Variants in FRMD4B observed in about 807,000 individuals in gnomAD.
FRMD4B encodes the protein FERM domain containing 4B.
In FRMD4B, 74 loss-of-function variants were observed where a neutral mutation model predicts 141.5. The ratio of observed to expected loss-of-function variants is 0.52; its 90% CI spans 0.43 to 0.63. FRMD4B has a LOEUF of 0.63. Among genes scored for constraint, FRMD4B ranks in the 30% least tolerant of loss-of-function variants. The probability of loss-of-function intolerance (pLI) is 0.00; values close to 1 mark genes in which losing one functional copy is unlikely to be tolerated. For synonymous variants in FRMD4B, 506 were observed against 467.9 expected (o/e 1.08, Z -1.05); for missense variants, 1,366 against 1,253.4 (o/e 1.09, Z -1.36).
chr3:69,312,280 G>C (rs1028422602), intron 2 of FRMD4B, among the ~76,000 whole-genome samples: 1 of 152,110 alleles, frequency 6.6e-6, no homozygotes, highest in African/African-American at 2.4e-5. Context: ...TGAACTTTGA[G>C]CAAAACAGCT....
At chr3:69,484,351 C>G (rs901228667) in intron 1 of FRMD4B, among the ~76,000 whole-genome samples, 1 of 152,086 alleles carries the variant, frequency 6.6e-6, no homozygotes, top group Non-Finnish European at 1.5e-5. Context: ...CTACCAGGTG[C>G]TATTATATAT....
At chr3:69,399,992 A>G (rs1183885843) in intron 2 of FRMD4B, among the ~76,000 whole-genome samples, 8 of 152,180 alleles carry the variant, frequency 5.3e-5, no homozygotes, top group South Asian at 2.1e-4. Flanking sequence ...ACCCAATACG[A>G]TACCTGGCTC....
At chr3:69,537,392 C>T (rs1701104322) in intron 1 of FRMD4B, among the ~76,000 whole-genome samples, 2 of 152,252 alleles carry the variant, frequency 1.3e-5, no homozygotes, top group Non-Finnish European at 2.9e-5. Flanking sequence ...GAATAGAGCA[C>T]TCATTTGCCC....
chr3:69,513,956 A>G (rs536014683), intron 1 of FRMD4B, among the ~76,000 whole-genome samples: 125 of 152,174 alleles, frequency 8.2e-4, no homozygotes, highest in Non-Finnish European at 9.6e-4. Context: ...ATAATACTCA[A>G]TGGTGAAAGA....
At chr3:69,247,000 C>T (rs1328886021) in intron 7 of FRMD4B, among the ~76,000 whole-genome samples, 1 of 152,178 alleles carries the variant, frequency 6.6e-6, no homozygotes, top group East Asian at 1.9e-4. Flanking sequence ...CTATTCTCCA[C>T]CTCCCCCATA....
At chr3:69,451,811 G>T (rs1486892157) in intron 1 of FRMD4B, among the ~76,000 whole-genome samples, 1 of 152,114 alleles carries the variant, frequency 6.6e-6, no homozygotes, top group Admixed American at 6.5e-5. Flanking sequence ...CTGTACTAAG[G>T]CCCTGGCAAC....
chr3:69,352,947 A>C (rs1196505414), intron 1 of FRMD4B, among the ~76,000 whole-genome samples: 1 of 152,194 alleles, frequency 6.6e-6, no homozygotes, highest in East Asian at 1.9e-4. Flanking sequence ...GTGTTCACAA[A>C]AACAGGGAAG....
chr3:69,471,109 T>A (rs1705881880), intron 1 of FRMD4B, among the ~76,000 whole-genome samples: 2 of 152,174 alleles, frequency 1.3e-5, no homozygotes, highest in African/African-American at 4.8e-5. Context: ...TAAGGCTACT[T>A]TTTTTCTAAT....
rs556461291 is a variant in FRMD4B at position 69,252,030 on chromosome 3, C to T, written c.502-1931G>A. 1.3e-3 allele frequency among the ~76,000 whole-genome samples: 193 copies of T among 152,214 alleles called. 2 individuals are homozygous for T. The highest frequency in any genetic ancestry group is 2.1e-3 in the Non-Finnish European group (140 of 67,996). ...AAAATTACTTAAGATGTTAAAAACG[C>T]TAAAGATGAATAAAGTAAATTGAAA... On this transcript the variant is annotated intron_variant, in intron 5 of 22. Transcript: ENST00000398540.
intron 1 of FRMD4B, among the ~76,000 whole-genome samples, chr3:69,345,611 C>G (rs1009713348): frequency 4.6e-5 from 7 of 152,190 alleles, no homozygotes; most frequent in African/African-American, 1.7e-4. Context: ...ACACCTCACA[C>G]AGCCGGGTAG....
intron 1 of FRMD4B, among the ~76,000 whole-genome samples, chr3:69,540,660 T>TACACACAC (rs1161119924): frequency 5.6e-4 from 32 of 56,860 alleles, no homozygotes; most frequent in Middle Eastern, 0.012. Flanking sequence ...TATATATATA[T>TACACACAC]ACACACACAC....
At chr3:69,357,666 T>A (rs1703361387) in intron 1 of FRMD4B, among the ~76,000 whole-genome samples, 1 of 152,198 alleles carries the variant, frequency 6.6e-6, no homozygotes, top group Non-Finnish European at 1.5e-5. Flanking sequence ...ACTATCACTT[T>A]CATCACAGAA....
At chr3:69,301,299 A>C (rs1182578380) in intron 4 of FRMD4B, among the ~76,000 whole-genome samples, 11 of 152,090 alleles carry the variant, frequency 7.2e-5, no homozygotes, top group Admixed American at 6.6e-4. Flanking sequence ...AGCTAGGTAG[A>C]GAAATATAGG....
At chr3:69,353,095 A>C (rs2107441220) in intron 1 of FRMD4B, among the ~76,000 whole-genome samples, 1 of 151,638 alleles carries the variant, frequency 6.6e-6, no homozygotes, top group South Asian at 2.1e-4. Flanking sequence ...TAAAATTTAA[A>C]AAAAAAAAGA....
intron 3 of FRMD4B, among the ~76,000 whole-genome samples, chr3:69,308,462 G>T (rs1271995450): frequency 2.1e-5 from 3 of 145,122 alleles, no homozygotes; most frequent in African/African-American, 7.6e-5. Flanking sequence ...GTTTGGGACA[G>T]GATCTCACTC....
intron 2 of FRMD4B, among the ~76,000 whole-genome samples, chr3:69,424,739 T>TC (rs1419090317): frequency 2.1e-4 from 32 of 152,198 alleles, no homozygotes; most frequent in Admixed American, 1.8e-3. Flanking sequence ...CTACCTTAAA[T>TC]CCCAATATGG....
intron 5 of FRMD4B, among the ~76,000 whole-genome samples, chr3:69,286,253 A>G (rs1044476981): frequency 3.3e-5 from 5 of 152,254 alleles, no homozygotes; most frequent in Admixed American, 2.6e-4. Context: ...AATATGTAAG[A>G]CTTTTGGTAC....
intron 5 of FRMD4B, among the ~76,000 whole-genome samples, chr3:69,257,219 C>G (rs2093498381): frequency 6.6e-6 from 1 of 152,128 alleles, no homozygotes; most frequent in Non-Finnish European, 1.5e-5. Context: ...GTAAAATTGC[C>G]TTTTTGGAAC....
chr3:69,265,436 C>T (rs1422926129), intron 5 of FRMD4B, among the ~76,000 whole-genome samples: 6 of 139,788 alleles, frequency 4.3e-5, no homozygotes, highest in Admixed American at 7.5e-5. Flanking sequence ...CTAGGTGGCA[C>T]ATTTATTTGT....
Sources: allele counts gnomAD v4.1 joint callset (sites outside exome capture counted in the v4.1 genomes callset), GRCh38; gene constraint gnomAD v4.1.1; transcripts MANE v1.5; gene names NCBI Gene and HGNC (gene_info 2026-07-23, HGNC 2026-07-21).